NVL: variants seen among roughly 807,000 people sequenced by gnomAD.
The protein encoded by NVL is nuclear VCP like.
Under a neutral mutation model 110.2 loss-of-function variants are expected in NVL, and 84 were observed. The ratio of observed to expected loss-of-function variants is 0.76; its 90% CI spans 0.64 to 0.91. The LOEUF (loss-of-function observed/expected upper bound fraction) is 0.91. NVL is among the 40% of genes least tolerant of loss of function. The pLI is 0.00. For missense variants in NVL, 882 were observed against 1,035.9 expected, an observed-to-expected ratio of 0.85 and a Z score of 2.04; for synonymous variants, 354 against 361.1, an observed-to-expected ratio of 0.98 and a Z score of 0.22.
At chr1:224,314,053 A>G (rs960695971) in intron 4 of NVL, among the ~76,000 whole-genome samples, 1 of 152,228 alleles carries the variant, frequency 6.6e-6, no homozygotes, top group Non-Finnish European at 1.5e-5. Flanking sequence ...AAAACAGCAA[A>G]GATTAAATTA....
chr1:224,282,391 C>T (rs1196702319), intron 15 of NVL, among the ~76,000 whole-genome samples: 1 of 152,134 alleles, frequency 6.6e-6, no homozygotes, highest in Non-Finnish European at 1.5e-5. Context: ...AATATAAATA[C>T]ATTTATAGCC....
intron 16 of NVL, among the ~76,000 whole-genome samples, chr1:224,279,503 GT>G (rs1449067409): frequency 5.9e-5 from 9 of 152,216 alleles, no homozygotes; most frequent in African/African-American, 1.7e-4. Flanking sequence ...ATTTAAAGGG[GT>G]TTTTTGTTTG....
chr1:224,273,050 A>C (rs1333960792), intron 17 of NVL, among the ~76,000 whole-genome samples: 1 of 141,764 alleles, frequency 7.1e-6, no homozygotes, highest in South Asian at 2.2e-4. Flanking sequence ...AAACAAAAAA[A>C]ACAAACAAAC....
chr1:224,290,645 AC>A (rs1258046823), intron 12 of NVL, among the ~76,000 whole-genome samples: 6 of 152,066 alleles, frequency 3.9e-5, no homozygotes, highest in African/African-American at 1.4e-4. Context: ...TACTAAAGAT[AC>A]AAAAAATTAG....
intron 15 of NVL, among the ~76,000 whole-genome samples, chr1:224,282,854 A>G (rs1217031611): frequency 6.6e-6 from 1 of 152,232 alleles, no homozygotes; most frequent in Non-Finnish European, 1.5e-5. Context: ...GAAAAATTGT[A>G]TTATTTTGTT....
intron 19 of NVL, among the ~76,000 whole-genome samples, chr1:224,249,883 G>A (rs552621891): frequency 1.3e-5 from 2 of 152,326 alleles, no homozygotes; most frequent in East Asian, 1.9e-4. Flanking sequence ...ACAGGTGGGT[G>A]CCACCATATC....
At chr1:224,247,085 G>A (rs776577918) in intron 19 of NVL, among the ~76,000 whole-genome samples, 4 of 151,076 alleles carry the variant, frequency 2.6e-5, no homozygotes, top group Non-Finnish European at 4.4e-5. Flanking sequence ...CAGAGCCAAC[G>A]AAAGGGAGAG....
chr1:224,256,884 TA>T (rs1394769655), intron 18 of NVL: 9 of 403,296 alleles, frequency 2.2e-5, no homozygotes, highest in Non-Finnish European at 3.9e-5. Context: ...ACTACTCCAT[TA>T]GCAAATCAGG....
intron 18 of NVL, among the ~76,000 whole-genome samples, chr1:224,261,028 A>G (rs1208501097): frequency 2.0e-5 from 3 of 151,914 alleles, no homozygotes; most frequent in African/African-American, 7.3e-5. Context: ...GGCACGTGCT[A>G]CCACGCCCAG....
At chr1:224,327,576 T>C (rs1671263303) in intron 1 of NVL, among the ~76,000 whole-genome samples, 1 of 151,852 alleles carries the variant, frequency 6.6e-6, no homozygotes, top group Non-Finnish European at 1.5e-5. Flanking sequence ...TTAACTTGGG[T>C]CCCATCCCCA....
intron 22 of NVL, among the ~76,000 whole-genome samples, chr1:224,228,403 C>A (rs184776943): frequency 4.4e-4 from 67 of 152,080 alleles, no homozygotes; most frequent in Admixed American, 1.9e-3. Context: ...CTCCTGGGTT[C>A]AAGGGATTCC....
chr1:224,236,619 T>G (rs560398114), intron 19 of NVL, 37 bp from the exon 20 acceptor site: 85 of 1,541,748 alleles, frequency 5.5e-5, no homozygotes, highest in Non-Finnish European at 7.2e-5. Flanking sequence ...CATTGGAGCT[T>G]TAAAGACCAT....
chr1:224,328,992 C>T (rs1671418637), intron 1 of NVL, among the ~76,000 whole-genome samples: 2 of 151,920 alleles, frequency 1.3e-5, no homozygotes, highest in Admixed American at 1.3e-4. Flanking sequence ...CGCTTGAGCC[C>T]AGGAGTTAGA....
intron 10 of NVL, chr1:224,298,594 G>A (rs1425740845): frequency 9.2e-6 from 2 of 217,322 alleles, no homozygotes; most frequent in Admixed American, 4.2e-5. Context: ...GTGAATTCAT[G>A]GCATAATAGG....
At chr1:224,305,836 C>A (rs961808007) in intron 6 of NVL, among the ~76,000 whole-genome samples, 1 of 152,264 alleles carries the variant, frequency 6.6e-6, no homozygotes, top group Non-Finnish European at 1.5e-5. Flanking sequence ...AGCCGCCCTG[C>A]ACGGCCCTCT....
chr1:224,273,238 C>T (rs2102845460), intron 17 of NVL, among the ~76,000 whole-genome samples: 1 of 151,930 alleles, frequency 6.6e-6, no homozygotes, highest in East Asian at 1.9e-4. Flanking sequence ...CATGGTGAAA[C>T]CCCATCTCTA....
intron 2 of NVL, among the ~76,000 whole-genome samples, chr1:224,322,537 T>C (rs1328585584): frequency 1.3e-5 from 2 of 152,198 alleles, no homozygotes; most frequent in African/African-American, 2.4e-5. Flanking sequence ...TTGATAAGTA[T>C]AGTGCTACTG....
Position 224,307,982 on chromosome 1 carries a change from C to T in NVL, c.615+9G>A, listed in dbSNP as rs1669102112. The T allele has an allele frequency of 2.7e-6, 4 of 1,508,384 alleles. No individual in the cohort carries two copies. Among genetic ancestry groups the T allele is most frequent in the African/African-American group, 2.8e-5 (2 of 71,546 alleles). The allele number at this position is 1,508,384 out of a possible 1,614,324, so 93.4% of individuals were successfully genotyped here. On this transcript the variant is annotated intron_variant, in intron 6 of 22. Transcript: ENST00000281701. ...ATGATATGGGGCTAAAATTTCATTA[C>T]AAAAATACCTGTATCTCAGTTATTG...
At chr1:224,307,500 A>C (rs1379982095) in intron 6 of NVL, among the ~76,000 whole-genome samples, 1 of 152,168 alleles carries the variant, frequency 6.6e-6, no homozygotes, top group Non-Finnish European at 1.5e-5. Flanking sequence ...CCAAGAGTTC[A>C]AGACCAGCTT....
Sources: gnomAD v4.1 joint callset for allele counts (sites outside exome capture counted in the v4.1 genomes callset) on GRCh38, gnomAD v4.1.1 for gene constraint, MANE v1.5 for transcripts, NCBI Gene and HGNC (gene_info 2026-07-23, HGNC 2026-07-21) for gene names.